CDH12: variants seen among roughly 807,000 people sequenced by gnomAD.
CDH12 encodes the protein cadherin 12, also known as cadherin-12.
In CDH12, 41 loss-of-function variants were observed where a neutral mutation model predicts 74.1. The observed-to-expected ratio is 0.55, with a 90% CI of 0.43 to 0.72. The LOEUF is 0.72. Ranked by LOEUF, CDH12 falls within the 30% of genes least tolerant of loss-of-function variation. The pLI is 0.00. For missense variants in CDH12, 945 were observed against 977.2 expected (o/e 0.97, Z 0.44); for synonymous variants, 399 against 355.0 (o/e 1.12, Z -1.39).
intron 6 of CDH12, among the ~76,000 whole-genome samples, chr5:21,947,293 C>T (rs535581944): frequency 3.4e-4 from 51 of 152,142 alleles, no homozygotes; most frequent in African/African-American, 1.2e-3. Flanking sequence ...AACTGGGTAT[C>T]GGGCAGAGGT....
At chr5:22,034,910 A>C (rs75679891) in intron 5 of CDH12, among the ~76,000 whole-genome samples, 6,088 of 152,266 alleles carry the variant, frequency 0.04, 410 homozygotes, top group African/African-American at 0.14. Flanking sequence ...ACAGTAAGTC[A>C]TCGGTTAACG....
chr5:22,540,903 G>T (rs1247383650), intron 1 of CDH12, among the ~76,000 whole-genome samples: 1 of 152,052 alleles, frequency 6.6e-6, no homozygotes, highest in Non-Finnish European at 1.5e-5. Context: ...ATTGGTAATG[G>T]CTCAATTAAT....
intron 6 of CDH12, among the ~76,000 whole-genome samples, chr5:21,903,481 T>C (rs982116554): frequency 6.6e-6 from 1 of 152,276 alleles, no homozygotes; most frequent in African/African-American, 2.4e-5. Flanking sequence ...TGCCTACATA[T>C]GCTTCAGAAG....
At chr5:21,955,860 G>A (rs1756071114) in intron 6 of CDH12, among the ~76,000 whole-genome samples, 2 of 151,964 alleles carry the variant, frequency 1.3e-5, no homozygotes, top group African/African-American at 4.8e-5. Flanking sequence ...CACTGCCCAG[G>A]TATTAGGGAG....
intron 2 of CDH12, among the ~76,000 whole-genome samples, chr5:22,486,511 A>G (rs1911958): frequency 0.94 from 140,785 of 149,616 alleles, 66,321 homozygotes; most frequent in Admixed American, 0.97. Flanking sequence ...GAGTTCAATG[A>G]CACGATCTCG....
At chr5:22,598,594 T>C (rs1351625584) in intron 1 of CDH12, among the ~76,000 whole-genome samples, 1 of 152,156 alleles carries the variant, frequency 6.6e-6, no homozygotes, top group African/African-American at 2.4e-5. Context: ...AACAAACTAA[T>C]ACACATATGT....
At chr5:22,731,399 A>G (rs1254529386) in intron 1 of CDH12, among the ~76,000 whole-genome samples, 1 of 151,932 alleles carries the variant, frequency 6.6e-6, no homozygotes, top group East Asian at 1.9e-4. Context: ...TAGCGTTTTC[A>G]TAAAAGTTGA....
chr5:22,008,613 C>A (rs1007769997), intron 5 of CDH12, among the ~76,000 whole-genome samples: 2 of 152,150 alleles, frequency 1.3e-5, no homozygotes, highest in African/African-American at 4.8e-5. Flanking sequence ...TTTGTTTTAT[C>A]TATAAATTTG....
intron 8 of CDH12, among the ~76,000 whole-genome samples, chr5:21,824,794 C>G (rs1748567327): frequency 6.6e-6 from 1 of 152,100 alleles, no homozygotes; most frequent in Admixed American, 6.6e-5. Flanking sequence ...ATGGCTTTCT[C>G]CAAAGAAATC....
intron 5 of CDH12, among the ~76,000 whole-genome samples, chr5:21,980,690 T>C (rs1245205353): frequency 2.6e-5 from 4 of 152,180 alleles, no homozygotes; most frequent in Non-Finnish European, 5.9e-5. Flanking sequence ...GAATAAAGTA[T>C]ATGAGATCTT....
At chr5:22,325,579 A>G (rs1260758169) in intron 3 of CDH12, among the ~76,000 whole-genome samples, 1 of 152,154 alleles carries the variant, frequency 6.6e-6, no homozygotes, top group African/African-American at 2.4e-5. Flanking sequence ...TCTTTGTGTA[A>G]GTAATGTAAA....
At chr5:22,623,585 T>G (rs1055669598) in intron 1 of CDH12, among the ~76,000 whole-genome samples, 10 of 152,074 alleles carry the variant, frequency 6.6e-5, no homozygotes, top group Non-Finnish European at 1.5e-4. Context: ...GAGAATCAAA[T>G]ACCTAGGAAT....
At chr5:22,508,233 A>C (rs1736470340) in intron 1 of CDH12, among the ~76,000 whole-genome samples, 1 of 152,098 alleles carries the variant, frequency 6.6e-6, no homozygotes, top group Admixed American at 6.6e-5. Flanking sequence ...TGAATTTTTT[A>C]TCTTGCCCAA....
rs148614202 is a variant in CDH12 at position 22,731,805 on chromosome 5, T to A, written c.-523+121253A>T. On this transcript the variant is annotated intron_variant, in intron 1 of 14. Transcript: ENST00000382254. The stretch of plus-strand genomic sequence containing the variant: ...ACAAGAGAATTGTTCTCTAAACATC[T>A]TTCAGTTTTTCATACAAAACTATGG... Among the ~76,000 whole-genome samples the A allele has an allele frequency of 3.1e-3, 469 of 151,970 alleles. 4 individuals are homozygous for A. Among genetic ancestry groups the A allele is most frequent in the African/African-American group, 0.011 (457 of 41,518 alleles).
chr5:22,218,557 A>C (rs555399657), intron 3 of CDH12, among the ~76,000 whole-genome samples: 2 of 151,786 alleles, frequency 1.3e-5, no homozygotes, highest in Non-Finnish European at 3.0e-5. Flanking sequence ...AAAACAGGTA[A>C]CTGGTTGGAG....
At chr5:22,312,651 G>T (rs1205475772) in intron 3 of CDH12, among the ~76,000 whole-genome samples, 7 of 152,258 alleles carry the variant, frequency 4.6e-5, no homozygotes, top group African/African-American at 1.7e-4. Context: ...GAAAAAAGTT[G>T]CTATTTGTTT....
chr5:22,004,014 A>G (rs952735320), intron 5 of CDH12, among the ~76,000 whole-genome samples: 1 of 152,098 alleles, frequency 6.6e-6, no homozygotes, highest in African/African-American at 2.4e-5. Context: ...ACAAATGGAA[A>G]TGATTTGACT....
At chr5:21,831,148 G>A (rs776697805) in intron 8 of CDH12, among the ~76,000 whole-genome samples, 1 of 152,076 alleles carries the variant, frequency 6.6e-6, no homozygotes, top group Non-Finnish European at 1.5e-5. Flanking sequence ...GATTAGTGGA[G>A]CAGTGGATTG....
chr5:22,696,741 C>T lies in CDH12; in HGVS notation c.-523+156317G>A, dbSNP rs558865119. 4.1e-3 allele frequency among the ~76,000 whole-genome samples: 629 copies of T among 152,216 alleles called. 5 individuals carry two copies. The highest frequency in any genetic ancestry group is 6.1e-3 in the Non-Finnish European group (416 of 68,004). On this transcript the variant is annotated intron_variant, in intron 1 of 14. Coordinates refer to ENST00000382254, the MANE Select transcript of CDH12 (RefSeq NM_004061.5). ...AGATGTTTCTTCTTTCACACCAATA[C>T]ATACTTCAGTATGCATTTTAACAGT...
Sources: allele counts gnomAD v4.1 joint callset (sites outside exome capture counted in the v4.1 genomes callset), GRCh38; gene constraint gnomAD v4.1.1; transcripts MANE v1.5; gene names NCBI Gene and HGNC (gene_info 2026-07-23, HGNC 2026-07-21).